Variants in BAZ2B observed in about 807,000 individuals in gnomAD.
BAZ2B encodes the protein bromodomain adjacent to zinc finger domain protein 2B.
Under a neutral mutation model 246.0 loss-of-function variants are expected in BAZ2B, and 91 were observed. The observed-to-expected ratio is 0.37, with a 90% CI of 0.31 to 0.44. The LOEUF is 0.44. BAZ2B is among the 20% of genes least tolerant of loss of function. The pLI, the probability that BAZ2B is intolerant of heterozygous loss-of-function variation, is 1.00. For missense variants in BAZ2B, 2,332 were observed against 2,533.7 expected (o/e 0.92, Z 1.71); for synonymous variants, 855 against 860.0 (o/e 0.99, Z 0.10).
In BAZ2B at chr2:159,332,842, T is replaced by G. The variant is rs534390539; in HGVS notation, c.5797-156A>C. The G allele has an allele frequency of 5.0e-4, 415 of 828,592 alleles. 2 individuals carry two copies. The South Asian group carries it at 5.6e-3, about 11-fold the overall frequency. The allele number at this position is 828,592 out of a possible 1,614,324, so 51.3% of individuals were successfully genotyped here. On this transcript the variant is annotated intron_variant, in intron 33 of 36. Coordinates refer to ENST00000392783, the MANE Select transcript of BAZ2B (RefSeq NM_013450.4). ...CCATACACATCTATGTATCTTTCGT[T>G]ACACAGATATGGACCACATGACGGG...
intron 2 of BAZ2B, among the ~76,000 whole-genome samples, chr2:159,483,890 T>G (rs922478424): frequency 6.6e-6 from 1 of 150,530 alleles, no homozygotes. Flanking sequence ...CAAAACACTA[T>G]AGTAAAAAAA....
At chr2:159,354,517 A>G (rs2058884321) in intron 27 of BAZ2B, among the ~76,000 whole-genome samples, 1 of 151,972 alleles carries the variant, frequency 6.6e-6, no homozygotes, top group African/African-American at 2.4e-5. Context: ...TGACTGGCTA[A>G]TTTCTGTATT....
At chr2:159,580,988 AT>A (rs1297495488) in intron 1 of BAZ2B, among the ~76,000 whole-genome samples, 1 of 152,226 alleles carries the variant, frequency 6.6e-6, no homozygotes, top group Non-Finnish European at 1.5e-5. Context: ...AGACAATACC[AT>A]TCAGGACATA....
intron 2 of BAZ2B, among the ~76,000 whole-genome samples, chr2:159,491,504 A>C (rs2080458583): frequency 6.6e-6 from 1 of 151,436 alleles, no homozygotes; most frequent in Non-Finnish European, 1.5e-5. Context: ...GCGGATCACG[A>C]GGTCAGGAGA....
chr2:159,531,282 CA>C (rs1168960932), intron 2 of BAZ2B, among the ~76,000 whole-genome samples: 2 of 152,100 alleles, frequency 1.3e-5, no homozygotes, highest in Non-Finnish European at 2.9e-5. Flanking sequence ...GGGTTTTTAG[CA>C]CACTGTTAGG....
chr2:159,529,038 A>T (rs1323487199), intron 2 of BAZ2B, among the ~76,000 whole-genome samples: 1 of 151,988 alleles, frequency 6.6e-6, no homozygotes, highest in East Asian at 1.9e-4. Context: ...GGTGCAGCAC[A>T]CCAACATGGC....
intron 1 of BAZ2B, among the ~76,000 whole-genome samples, chr2:159,606,922 A>AT (rs5835752): frequency 0.37 from 51,565 of 138,550 alleles, 11,855 homozygotes; most frequent in Middle Eastern, 0.55. Flanking sequence ...TGGGATTTCT[A>AT]TTTTTTTTTT....
At chr2:159,639,888 C>T in the BAZ2B span, among the ~76,000 whole-genome samples, 1 of 151,736 alleles carries the variant, frequency 6.6e-6, no homozygotes, top group African/African-American at 2.4e-5. Context: ...CTAAACTCTC[C>T]AATCAAAAGA....
chr2:159,643,220 A>C, the BAZ2B span, among the ~76,000 whole-genome samples: 3 of 152,158 alleles, frequency 2.0e-5, no homozygotes, highest in South Asian at 2.1e-4. Context: ...TAACCCACAA[A>C]ATTTTTTTCT....
At chr2:159,586,801 CATAAT>C (rs1305261674) in intron 1 of BAZ2B, among the ~76,000 whole-genome samples, 1 of 151,978 alleles carries the variant, frequency 6.6e-6, no homozygotes, top group African/African-American at 2.4e-5. Context: ...CTTAGGCTTG[CATAAT>C]ATAAACTCTA....
chr2:159,350,901 T>C (rs946415384), intron 27 of BAZ2B, among the ~76,000 whole-genome samples: 23 of 131,082 alleles, frequency 1.8e-4, no homozygotes, highest in Admixed American at 6.0e-4. Context: ...TTATAAAAAA[T>C]TAAAATCCGG....
At chr2:159,340,261 A>AG (rs1257817141) in intron 31 of BAZ2B, among the ~76,000 whole-genome samples, 2 of 152,132 alleles carry the variant, frequency 1.3e-5, no homozygotes, top group African/African-American at 4.8e-5. Flanking sequence ...AAGGAAAAAA[A>AG]GAAGGAAAAA....
At chr2:159,513,893 T>C (rs2083177042) in intron 2 of BAZ2B, among the ~76,000 whole-genome samples, 1 of 152,030 alleles carries the variant, frequency 6.6e-6, no homozygotes, top group Admixed American at 6.6e-5. Context: ...CCTTTGACAA[T>C]ACCTCCTCTT....
intron 14 of BAZ2B, chr2:159,412,120 G>T: frequency 2.9e-6 from 1 of 349,962 alleles, no homozygotes; most frequent in Non-Finnish European, 4.0e-6. Flanking sequence ...AAATACACAG[G>T]ATAGGATGTG....
chr2:159,401,840 T>C (rs2065123905), intron 16 of BAZ2B, among the ~76,000 whole-genome samples: 1 of 152,162 alleles, frequency 6.6e-6, no homozygotes, highest in Non-Finnish European at 1.5e-5. Context: ...TGAGAATAAA[T>C]ACAAGTTAAA....
At chr2:159,624,206 T>C in the BAZ2B span, among the ~76,000 whole-genome samples, 7 of 152,318 alleles carry the variant, frequency 4.6e-5, 1 homozygote, top group Admixed American at 1.3e-4. Context: ...CAGGGGCTTA[T>C]AGATATAACC....
chr2:159,369,806 G>A (rs899426254), intron 27 of BAZ2B, among the ~76,000 whole-genome samples: 1 of 152,140 alleles, frequency 6.6e-6, no homozygotes, highest in Non-Finnish European at 1.5e-5. Context: ...CTTTGCTATT[G>A]TGAGTAGTGC....
At chr2:159,337,201 T>A (rs981858435) in intron 32 of BAZ2B, 124 bp from the exon 33 acceptor site, 10 of 1,266,506 alleles carry the variant, frequency 7.9e-6, no homozygotes, top group South Asian at 1.4e-5. Flanking sequence ...AAGTATAAGG[T>A]TTAAGCAACT....
At chr2:159,544,795 C>T (rs549151253) in intron 2 of BAZ2B, among the ~76,000 whole-genome samples, 4 of 152,180 alleles carry the variant, frequency 2.6e-5, no homozygotes, top group South Asian at 2.1e-4. Flanking sequence ...AAAAACATTC[C>T]GACAAAATCG....
Sources: allele counts gnomAD v4.1 joint callset (sites outside exome capture counted in the v4.1 genomes callset), GRCh38; gene constraint gnomAD v4.1.1; transcripts MANE v1.5; gene names NCBI Gene and HGNC (gene_info 2026-07-23, HGNC 2026-07-21).